FAM135B: variants seen among roughly 807,000 people sequenced by gnomAD.
FAM135B encodes family with sequence similarity 135 member B, also known as protein FAM135B.
FAM135B carries 43 observed loss-of-function variants against 127.7 expected under a neutral mutation model. The ratio of observed to expected loss-of-function variants is 0.34; its 90% CI spans 0.26 to 0.43. The LOEUF (loss-of-function observed/expected upper bound fraction) is 0.43. FAM135B is among the 20% of genes least tolerant of loss of function. The pLI, the probability that FAM135B is intolerant of heterozygous loss-of-function variation, is 1.00. For synonymous variants in FAM135B, 670 were observed against 665.1 expected (o/e 1.01, Z -0.11); for missense variants, 1,558 against 1,725.6 (o/e 0.90, Z 1.72).
intron 2 of FAM135B, among the ~76,000 whole-genome samples, chr8:138,340,522 C>T (rs761289981): frequency 3.3e-5 from 5 of 152,160 alleles, no homozygotes; most frequent in Non-Finnish European, 2.9e-5. Context: ...GTCCTGGCCA[C>T]ACAGCTAGGA....
At chr8:138,314,693 C>CAATAAATAAATACATAAATA (rs1826939010) in intron 2 of FAM135B, among the ~76,000 whole-genome samples, 1 of 120,282 alleles carries the variant, frequency 8.3e-6, no homozygotes. Flanking sequence ...CCCATCCCTA[C>CAATAAATAAATACATAAATA]AATAAATAAA....
intron 1 of FAM135B, among the ~76,000 whole-genome samples, chr8:138,448,301 G>T (rs1836308666): frequency 6.6e-6 from 1 of 152,018 alleles, no homozygotes; most frequent in Non-Finnish European, 1.5e-5. Context: ...ACTGAGTAAA[G>T]CAGATTGCCC....
chr8:138,148,737 A>C, intron 13 of FAM135B, 51 bp from the exon 14 acceptor site: 1 of 1,416,940 alleles, frequency 7.1e-7, no homozygotes, highest in Non-Finnish European at 9.7e-7. Context: ...TTCATGTTGA[A>C]CAGGAAATGA....
intron 1 of FAM135B, among the ~76,000 whole-genome samples, chr8:138,460,798 C>G (rs11998576): frequency 2.0e-5 from 3 of 151,898 alleles, no homozygotes; most frequent in African/African-American, 7.3e-5. Context: ...AGAGATGTGA[C>G]GTTGGGAGCT....
At chr8:138,394,276 GA>G (rs1233056171) in intron 1 of FAM135B, among the ~76,000 whole-genome samples, 1 of 152,186 alleles carries the variant, frequency 6.6e-6, no homozygotes, top group African/African-American at 2.4e-5. Context: ...CTCCTGAGCT[GA>G]GGCTGGATAA....
chr8:138,183,090 C>T (rs1400489644), intron 9 of FAM135B, among the ~76,000 whole-genome samples: 1 of 149,420 alleles, frequency 6.7e-6, no homozygotes, highest in East Asian at 2.0e-4. Context: ...GCCATCCACC[C>T]AGGTGCCCTC....
chr8:138,419,765 G>A (rs942646558), intron 1 of FAM135B, among the ~76,000 whole-genome samples: 13 of 152,088 alleles, frequency 8.5e-5, no homozygotes, highest in African/African-American at 3.1e-4. Context: ...GGTAAAGAAT[G>A]AAATTAAGAC....
In FAM135B at chr8:138,167,906, C is replaced by CA. The variant is rs750893359; in HGVS notation, c.1246dup (p.Cys416LeufsTer7). On this transcript the variant is annotated frameshift_variant, in exon 12 of 20. Coordinates refer to ENST00000395297, the MANE Select transcript of FAM135B (RefSeq NM_015912.4). LOFTEE classifies it high-confidence loss of function. The stretch of plus-strand genomic sequence containing the variant: ...CAAAACAGACAAACCTGTCGCAGGG[C>CA]AGTCCACGTATCTGTCCTCAAAGAT... 6.2e-7 allele frequency: 1 copy of CA among 1,611,636 alleles called. No individual in the cohort carries two copies. The highest frequency in any genetic ancestry group is 8.5e-7 in the Non-Finnish European group (1 of 1,178,788).
chr8:138,220,219 C>A (rs1818921285), intron 7 of FAM135B, among the ~76,000 whole-genome samples: 1 of 152,116 alleles, frequency 6.6e-6, no homozygotes, highest in Non-Finnish European at 1.5e-5. Context: ...GACAGTATTT[C>A]AAGAAGTATT....
At chr8:138,345,215 G>A (rs1829328298) in intron 2 of FAM135B, among the ~76,000 whole-genome samples, 1 of 152,188 alleles carries the variant, frequency 6.6e-6, no homozygotes, top group African/African-American at 2.4e-5. Flanking sequence ...AGGAGTTGAT[G>A]GATGAGACCT....
At chr8:138,380,975 A>G (rs904715792) in intron 1 of FAM135B, among the ~76,000 whole-genome samples, 33 of 141,452 alleles carry the variant, frequency 2.3e-4, no homozygotes, top group Non-Finnish European at 4.6e-4. Flanking sequence ...CATGCACAAA[A>G]AACAAACAAA....
chr8:138,191,703 G>A (rs1046586639), intron 9 of FAM135B, among the ~76,000 whole-genome samples: 6 of 152,282 alleles, frequency 3.9e-5, no homozygotes, highest in African/African-American at 7.2e-5. Flanking sequence ...AATGGCAGTC[G>A]TTCCCAGGAA....
chr8:138,253,718 G>C (rs72723666), intron 5 of FAM135B, among the ~76,000 whole-genome samples: 2 of 152,072 alleles, frequency 1.3e-5, no homozygotes, highest in Admixed American at 1.3e-4. Context: ...ATTGAGAGCC[G>C]CCAGACAAGA....
chr8:138,146,840 G>C (rs1341072759), intron 14 of FAM135B, among the ~76,000 whole-genome samples: 2 of 152,192 alleles, frequency 1.3e-5, no homozygotes, highest in Non-Finnish European at 2.9e-5. Context: ...ACAGTTGAAA[G>C]TTAGAAGCTG....
At chr8:138,256,558 A>G (rs902315332) in intron 5 of FAM135B, 131 bp downstream of exon 5, 2 of 733,838 alleles carry the variant, frequency 2.7e-6, no homozygotes, top group African/African-American at 3.5e-5. Context: ...AGTCAGGGAC[A>G]TTGCAGCTTA....
intron 1 of FAM135B, among the ~76,000 whole-genome samples, chr8:138,462,291 T>C (rs1011386465): frequency 2.0e-5 from 3 of 152,206 alleles, no homozygotes; most frequent in Admixed American, 2.0e-4. Context: ...CATTGTTCCA[T>C]TGATCTTGGC....
intron 18 of FAM135B, among the ~76,000 whole-genome samples, chr8:138,138,023 C>T (rs1040569260): frequency 6.6e-6 from 1 of 152,180 alleles, no homozygotes; most frequent in Admixed American, 6.5e-5. Flanking sequence ...TGGGGGCAGC[C>T]TACTTCAACA....
chr8:138,318,115 C>G (rs1207150158), intron 2 of FAM135B, among the ~76,000 whole-genome samples: 1 of 152,212 alleles, frequency 6.6e-6, no homozygotes, highest in Non-Finnish European at 1.5e-5. Context: ...ATGGCCACAA[C>G]GTTAGCAATA....
At chr8:138,261,663 C>T (rs1425880921) in intron 4 of FAM135B, among the ~76,000 whole-genome samples, 1 of 152,222 alleles carries the variant, frequency 6.6e-6, no homozygotes, top group African/African-American at 2.4e-5. Flanking sequence ...TCCAGACTCA[C>T]TCTTTGCAAC....
Sources: allele counts gnomAD v4.1 joint callset (sites outside exome capture counted in the v4.1 genomes callset), GRCh38; gene constraint gnomAD v4.1.1; transcripts MANE v1.5; gene names NCBI Gene and HGNC (gene_info 2026-07-23, HGNC 2026-07-21).